SYT1: variants seen among roughly 807,000 people sequenced by gnomAD.
SYT1 encodes the protein synaptotagmin 1.
SYT1 carries 8 observed loss-of-function variants against 44.8 expected under a neutral mutation model. The ratio of observed to expected loss-of-function variants is 0.18; its 90% CI spans 0.10 to 0.32. The LOEUF is 0.32. Ranked by LOEUF, SYT1 falls within the 10% of genes least tolerant of loss-of-function variation. SYT1 has a pLI of 1.00. For synonymous variants in SYT1, 154 were observed against 188.8 expected, an observed-to-expected ratio of 0.82 and a Z score of 1.51; for missense variants, 286 against 509.3, an observed-to-expected ratio of 0.56 and a Z score of 4.22.
chr12:79,090,411 C>T (rs1038676117), intron 3 of SYT1, among the ~76,000 whole-genome samples: 1 of 151,884 alleles, frequency 6.6e-6, no homozygotes, highest in East Asian at 1.9e-4. Flanking sequence ...TTCGTATCTT[C>T]CCTCAATTAT....
intron 1 of SYT1, among the ~76,000 whole-genome samples, chr12:78,900,126 G>A (rs1230321935): frequency 1.3e-5 from 2 of 151,974 alleles, no homozygotes; most frequent in Middle Eastern, 3.2e-3. Flanking sequence ...GAGAGGCTGA[G>A]GTAATGATAA....
intron 7 of SYT1, among the ~76,000 whole-genome samples, chr12:79,296,910 AT>A (rs11300147): frequency 0.36 from 55,279 of 151,862 alleles, 10,332 homozygotes; most frequent in East Asian, 0.58. Flanking sequence ...GAAATCATTC[AT>A]TAAAAACAAT....
intron 2 of SYT1, among the ~76,000 whole-genome samples, chr12:79,041,105 G>T (rs537661148): frequency 6.6e-6 from 1 of 152,000 alleles, no homozygotes; most frequent in Non-Finnish European, 1.5e-5. Flanking sequence ...TTGGCAATGC[G>T]GGCTCTTTTT....
chr12:79,215,066 G>A (rs1264314203), intron 3 of SYT1, among the ~76,000 whole-genome samples: 1 of 151,848 alleles, frequency 6.6e-6, no homozygotes, highest in Admixed American at 6.6e-5. Context: ...TATCAACAGA[G>A]CAAACAAAAC....
intron 2 of SYT1, among the ~76,000 whole-genome samples, chr12:79,036,883 C>T (rs1369206836): frequency 6.6e-6 from 1 of 151,720 alleles, no homozygotes; most frequent in African/African-American, 2.4e-5. Flanking sequence ...CTGGAAGTCA[C>T]CTTGGAGAAT....
At chr12:78,935,375 C>T (rs573725396) in intron 1 of SYT1, among the ~76,000 whole-genome samples, 1 of 152,232 alleles carries the variant, frequency 6.6e-6, no homozygotes, top group Non-Finnish European at 1.5e-5. Context: ...GTATGCTAGG[C>T]CCTGTGGCTA....
chr12:78,937,606 T>G (rs2137236426), intron 1 of SYT1, among the ~76,000 whole-genome samples: 1 of 152,252 alleles, frequency 6.6e-6, no homozygotes, highest in African/African-American at 2.4e-5. Context: ...TTAAATAGAA[T>G]AGCCATATTC....
chr12:79,120,962 T>TACAC (rs35017834), intron 3 of SYT1, among the ~76,000 whole-genome samples: 6 of 150,096 alleles, frequency 4.0e-5, no homozygotes, highest in African/African-American at 1.5e-4. Context: ...TAGATATATA[T>TACAC]ACACACACAC....
chr12:79,417,591 A>G (rs543095222), intron 9 of SYT1, among the ~76,000 whole-genome samples: 7 of 152,136 alleles, frequency 4.6e-5, no homozygotes, highest in South Asian at 2.1e-4. Flanking sequence ...GCTTCTCACT[A>G]CCTTCATGAT....
At chr12:79,255,423 CT>C (rs1399771820) in intron 4 of SYT1, among the ~76,000 whole-genome samples, 1 of 152,132 alleles carries the variant, frequency 6.6e-6, no homozygotes, top group African/African-American at 2.4e-5. Flanking sequence ...GTAAACAGAA[CT>C]TTTATATGCA....
At chr12:79,222,109 T>C (rs983582815) in intron 4 of SYT1, among the ~76,000 whole-genome samples, 1 of 152,162 alleles carries the variant, frequency 6.6e-6, no homozygotes, top group Non-Finnish European at 1.5e-5. Flanking sequence ...GCATGTTTTA[T>C]AATATTCCAC....
At chr12:79,144,411 G>A (rs777323519) in intron 3 of SYT1, among the ~76,000 whole-genome samples, 7 of 152,100 alleles carry the variant, frequency 4.6e-5, no homozygotes, top group African/African-American at 1.4e-4. Flanking sequence ...TTACCCCACC[G>A]CCCAGAAGGG....
chr12:79,449,102 C>A lies in SYT1; in HGVS notation c.1247C>A (p.Ala416Asp). ...HTLQVEEEVD[A>D]MLAVKK is the part of the protein sequence containing the mutation. ...CTGCAGGTAGAGGAGGAAGTTGATGCCATGCTGGCCGTCAAGAAGTAAAGG... is the reference window on the plus strand; with the variant it reads ...CTGCAGGTAGAGGAGGAAGTTGATGACATGCTGGCCGTCAAGAAGTAAAGG... Residue 416 changes from alanine (A) to aspartate (D), a missense_variant, in exon 11 of 11, where the codon GCC becomes GAC. Physicochemically the swap from Ala to Asp is moderately radical, Grantham distance 126. Coordinates refer to ENST00000261205, the MANE Select transcript of SYT1 (RefSeq NM_005639.3). The A allele has an allele frequency of 6.2e-7, 1 of 1,612,750 alleles. No individual in the cohort carries two copies. Among genetic ancestry groups the A allele is most frequent in the Non-Finnish European group, 8.5e-7 (1 of 1,179,334 alleles).
intron 8 of SYT1, among the ~76,000 whole-genome samples, chr12:79,336,541 G>A (rs961278821): frequency 6.6e-6 from 1 of 151,336 alleles, no homozygotes; most frequent in Non-Finnish European, 1.5e-5. Context: ...TGTCCCATTT[G>A]CATTTGCTGT....
intron 3 of SYT1, among the ~76,000 whole-genome samples, chr12:79,181,331 C>T (rs1872530638): frequency 6.6e-6 from 1 of 151,946 alleles, no homozygotes; most frequent in Non-Finnish European, 1.5e-5. Context: ...TCATTCATAA[C>T]ATAGAAATTT....
intron 3 of SYT1, among the ~76,000 whole-genome samples, chr12:79,198,132 G>A (rs2138481689): frequency 6.6e-6 from 1 of 152,070 alleles, no homozygotes; most frequent in African/African-American, 2.4e-5. Flanking sequence ...TTAATATTAG[G>A]AATTAATTAG....
chr12:79,012,823 CT>C (rs1028919690), intron 2 of SYT1, among the ~76,000 whole-genome samples: 2 of 152,136 alleles, frequency 1.3e-5, no homozygotes, highest in Admixed American at 1.3e-4. Flanking sequence ...CATTTTCCTT[CT>C]GTGGTTTCTC....
chr12:79,357,617 A>G (rs965132217), intron 9 of SYT1, among the ~76,000 whole-genome samples: 1 of 152,198 alleles, frequency 6.6e-6, no homozygotes, highest in African/African-American at 2.4e-5. Flanking sequence ...CCACCATTCT[A>G]TAGGCAGTCC....
chr12:78,985,271 G>A (rs534964467), intron 2 of SYT1, among the ~76,000 whole-genome samples: 64 of 151,478 alleles, frequency 4.2e-4, no homozygotes, highest in Non-Finnish European at 7.5e-4. Context: ...AAAACTATAC[G>A]TAGTATAATA....
Sources: gnomAD v4.1 joint callset for allele counts (sites outside exome capture counted in the v4.1 genomes callset) on GRCh38, gnomAD v4.1.1 for gene constraint, MANE v1.5 for transcripts, NCBI Gene and HGNC (gene_info 2026-07-23, HGNC 2026-07-21) for gene names.